MGAM: variants seen among roughly 807,000 people sequenced by gnomAD.
MGAM encodes the protein alpha-1,4-glucosidase.
MGAM carries 253 observed loss-of-function variants against 358.8 expected under a neutral mutation model. The ratio of observed to expected loss-of-function variants is 0.71; its 90% CI spans 0.64 to 0.78. MGAM has a LOEUF of 0.78. Ranked by LOEUF, MGAM falls within the 30% of genes least tolerant of loss-of-function variation. MGAM has a pLI of 0.00. For missense variants in MGAM, 3,080 were observed against 3,432.6 expected, an observed-to-expected ratio of 0.90 and a Z score of 2.57; for synonymous variants, 1,105 against 1,227.1, an observed-to-expected ratio of 0.90 and a Z score of 2.08.
In MGAM at chr7:142,032,838, T is replaced by C; in HGVS notation, c.1598T>C (p.Val533Ala). The change falls in exon 14 of 71, where the codon GTC becomes GCC. Residue 533 changes from valine to alanine, a missense_variant. Val to Ala is a moderately conservative substitution (Grantham distance 64, BLOSUM62 0). Transcript: ENST00000475668. ...FDGIWIDMNE[V>A]SNFVDGSVSG... The stretch of plus-strand genomic sequence containing the variant: ...TTTGTCTTGTAGGATATGAATGAAG[T>C]CTCCAACTTTGTTGATGGTTCGGTC... 1 of 1,609,458 alleles carries C rather than the reference T, an allele frequency of 6.2e-7. No individual in the cohort carries two copies. The highest frequency in any genetic ancestry group is 2.2e-5 in the East Asian group (1 of 44,686).
At chr7:141,993,707 A>C (rs1333936175), upstream of MGAM, among the ~76,000 whole-genome samples, 1 of 152,190 alleles carries the variant, frequency 6.6e-6, no homozygotes, top group Non-Finnish European at 1.5e-5. Context: ...GTTAGGCTGC[A>C]AACTACAGTG....
chr7:142,010,502 C>T (rs1219854154), intron 3 of MGAM, among the ~76,000 whole-genome samples: 1 of 151,978 alleles, frequency 6.6e-6, no homozygotes, highest in Non-Finnish European at 1.5e-5. Flanking sequence ...AAATATTTTC[C>T]TTAACAATAA....
chr7:142,106,654 G>A lies in MGAM; in HGVS notation c.*763G>A, dbSNP rs1481318590. On this transcript the variant is annotated 3_prime_UTR_variant, in exon 71 of 71. Transcript: ENST00000475668. ...TTTGCAGTAGTGTGCTTTGAAATGT[G>A]TAAATCTTATTTCTAATGTATACAA... 6.6e-6 allele frequency: 1 copy of A among 152,182 alleles called. No homozygotes were observed. The highest frequency in any genetic ancestry group is 1.5e-5 in the Non-Finnish European group (1 of 68,034). The allele number at this position is 152,182 out of a possible 1,614,324, so 9.4% of individuals were successfully genotyped here. A position where few individuals can be genotyped will look rare whatever the true frequency, so the allele number is the denominator to read the frequency against.
chr7:142,043,767 A>T (rs1211475369), intron 21 of MGAM, among the ~76,000 whole-genome samples: 1 of 81,456 alleles, frequency 1.2e-5, no homozygotes, highest in African/African-American at 3.6e-5. Context: ...CATATAATAT[A>T]TACATTATAT....
In MGAM at chr7:142,065,757, G is replaced by A. The variant is rs1812673556; in HGVS notation, c.4696G>A (p.Glu1566Lys). The change falls in exon 40 of 71, where the codon GAG becomes AAG. Residue 1566 changes from glutamate (E) to lysine (K), a missense_variant. By Grantham distance (56) the Glu-to-Lys change is moderately conservative. Coordinates refer to ENST00000475668, the MANE Select transcript of MGAM (RefSeq NM_001365693.1). Reference sequence around the variant, plus strand: ...TGGGTTCTTTCAAGACGCTGAGTACGAGATGTGTGTTCGCTGGATGCAGCT... The same window carrying A: ...TGGGTTCTTTCAAGACGCTGAGTACAAGATGTGTGTTCGCTGGATGCAGCT... ...ICGFFQDAEYEMCVRWMQLGA... is the reference protein window; with the variant it reads ...ICGFFQDAEYKMCVRWMQLGA... 1 of 1,556,096 alleles carries A rather than the reference G, an allele frequency of 6.4e-7. No individual in the cohort carries two copies. Among genetic ancestry groups the A allele is most frequent in the South Asian group, 1.1e-5 (1 of 89,156 alleles).
chr7:142,053,088 A>G (rs1418599927), intron 26 of MGAM, 104 bp downstream of exon 26: 15 of 1,243,248 alleles, frequency 1.2e-5, no homozygotes, highest in South Asian at 6.8e-5. Context: ...TCATGCTACA[A>G]CAGACTATAT....
chr7:141,993,617 A>T (rs540161192), upstream of MGAM, among the ~76,000 whole-genome samples: 15 of 152,328 alleles, frequency 9.8e-5, no homozygotes, highest in South Asian at 1.7e-3. Context: ...GTTTGTAGAT[A>T]TAATTCTGAA....
At position 142,097,611 on chromosome 7, in the gene MGAM, G is replaced by C; in HGVS notation, c.7711G>C (p.Ala2571Pro). 1 of 1,612,918 alleles carries C rather than the reference G, an allele frequency of 6.2e-7. No individual in the cohort carries two copies. The highest frequency in any genetic ancestry group is 2.2e-5 in the East Asian group (1 of 44,884). ...ATTTTAGAATGCCAGAAATGTCACT[G>C]CATATTTCCCTAGAGCCCGCTGGTA... ...VLERNARNVT[A>P]YFPRARWYDY... The change falls in exon 66 of 71, where the codon GCA (alanine) becomes CCA (proline). Residue 2571 changes from alanine (A) to proline (P), a missense_variant. Transcript: ENST00000475668.
chr7:142,069,203 C>T (rs554735399), intron 43 of MGAM, among the ~76,000 whole-genome samples: 1 of 146,350 alleles, frequency 6.8e-6, no homozygotes, highest in African/African-American at 2.4e-5. Flanking sequence ...AGTGATTAGG[C>T]AATGTGCAAA....
At chr7:142,080,342 G>A (rs1446969058) in intron 49 of MGAM, among the ~76,000 whole-genome samples, 1 of 146,290 alleles carries the variant, frequency 6.8e-6, no homozygotes, top group Non-Finnish European at 1.5e-5. Context: ...GTCAGGCAGG[G>A]ATGTAGTAGG....
chr7:142,058,194 A>C lies in MGAM; in HGVS notation c.3694-9A>C. On this transcript the variant is annotated splice_polypyrimidine_tract_variant and intron_variant, in intron 30 of 70. Coordinates refer to ENST00000475668, the MANE Select transcript of MGAM (RefSeq NM_001365693.1). ...TTCTGAAGACTAATATTTTCTGTCT[A>C]TTTTCTAGTTGATTGGCCGGCCTGT... is the stretch of plus-strand genomic sequence containing the variant. The C allele has an allele frequency of 6.2e-7, 1 of 1,613,438 alleles. No homozygotes were observed. Among genetic ancestry groups the C allele is most frequent in the Non-Finnish European group, 8.5e-7 (1 of 1,179,616 alleles).
chr7:142,017,660 C>A (rs909857918), intron 3 of MGAM, among the ~76,000 whole-genome samples: 2 of 152,096 alleles, frequency 1.3e-5, no homozygotes, highest in Admixed American at 1.3e-4. Flanking sequence ...TTTACAAGAA[C>A]AAAGACAAAA....
chr7:142,034,047 C>T (rs76978339), intron 14 of MGAM, among the ~76,000 whole-genome samples: 2,844 of 152,242 alleles, frequency 0.019, 71 homozygotes, highest in South Asian at 0.084. Flanking sequence ...GTGAGAGCTC[C>T]AGTGGGAGGA....
At chr7:142,003,736 A>C (rs960883932) in intron 1 of MGAM, among the ~76,000 whole-genome samples, 6 of 152,076 alleles carry the variant, frequency 3.9e-5, no homozygotes, top group African/African-American at 1.4e-4. Flanking sequence ...TGCACAGTAA[A>C]AAAATAAAAT....
intron 70 of MGAM, among the ~76,000 whole-genome samples, chr7:142,105,125 CA>C (rs1036901561): frequency 2.0e-5 from 3 of 151,952 alleles, no homozygotes; most frequent in Non-Finnish European, 4.4e-5. Context: ...TAGGAAGAAG[CA>C]GGAATAGTGG....
chr7:142,061,428 G>A (rs10228658), intron 34 of MGAM, among the ~76,000 whole-genome samples: 3 of 151,884 alleles, frequency 2.0e-5, no homozygotes, highest in Non-Finnish European at 2.9e-5. Context: ...GCATGCCCAC[G>A]TCTCTCAAGA....
chr7:142,070,823 C>T (rs1427180534), intron 43 of MGAM, among the ~76,000 whole-genome samples, 171 bp from the exon 44 acceptor site: 2 of 146,080 alleles, frequency 1.4e-5, no homozygotes, highest in Non-Finnish European at 3.1e-5. Flanking sequence ...AGCAGCCTTG[C>T]GAGGTTTTAT....
Position 142,044,815 on chromosome 7 carries a change from C to T in MGAM, c.2499-2970C>T, listed in dbSNP as rs1374264697. Among the ~76,000 whole-genome samples the T allele has an allele frequency of 4.4e-5, 3 of 68,820 alleles. 1 individual carries two copies. The highest frequency in any genetic ancestry group is 1.9e-4 in the African/African-American group (3 of 15,740). 45.1% of individuals were successfully genotyped at this position (68,820 alleles called of 152,430 possible). A position where few individuals can be genotyped will look rare whatever the true frequency, so the allele number is the denominator to read the frequency against. On this transcript the variant is annotated intron_variant, in intron 21 of 70. Transcript: ENST00000475668. ...TGATATATAATGTATATTATATACA[C>T]GTGTAATATATGATATATAATGTAT...
At chr7:142,054,032 T>G (rs1329270552) in intron 26 of MGAM, among the ~76,000 whole-genome samples, 1 of 152,226 alleles carries the variant, frequency 6.6e-6, no homozygotes, top group Non-Finnish European at 1.5e-5. Flanking sequence ...TTCACCAGAA[T>G]GACTTGATCT....
Sources: gnomAD v4.1 joint callset for allele counts (sites outside exome capture counted in the v4.1 genomes callset) on GRCh38, gnomAD v4.1.1 for gene constraint, MANE v1.5 for transcripts, NCBI Gene and HGNC (gene_info 2026-07-23, HGNC 2026-07-21) for gene names.